RGS7: variants seen among roughly 807,000 people sequenced by gnomAD.
The protein encoded by RGS7 is regulator of G-protein signaling 7.
RGS7 carries 27 observed loss-of-function variants against 81.1 expected under a neutral mutation model. The observed-to-expected ratio is 0.33, with a 90% CI of 0.25 to 0.46. The LOEUF is 0.46. RGS7 is among the 20% of genes least tolerant of loss of function. The pLI is 1.00. For missense variants in RGS7, 396 were observed against 607.4 expected, an observed-to-expected ratio of 0.65 and a Z score of 3.66; for synonymous variants, 208 against 207.7, an observed-to-expected ratio of 1.00 and a Z score of -0.01.
At chr1:241,286,075 C>A (rs1442483508) in intron 2 of RGS7, among the ~76,000 whole-genome samples, 1 of 152,192 alleles carries the variant, frequency 6.6e-6, no homozygotes, top group East Asian at 1.9e-4. Flanking sequence ...CTTCTTGCTG[C>A]ATTATCTACA....
At chr1:240,931,583 A>G (rs1040340730) in intron 5 of RGS7, among the ~76,000 whole-genome samples, 1 of 152,152 alleles carries the variant, frequency 6.6e-6, no homozygotes, top group African/African-American at 2.4e-5. Context: ...AAAAATTAAA[A>G]TTATAAAATT....
intron 2 of RGS7, among the ~76,000 whole-genome samples, chr1:241,227,451 T>C (rs2075371097): frequency 1.3e-5 from 2 of 150,976 alleles, no homozygotes; most frequent in South Asian, 4.2e-4. Flanking sequence ...TTATTTGCTT[T>C]CAAGAGCGAA....
chr1:241,327,951 A>C (rs1573701274), intron 2 of RGS7, among the ~76,000 whole-genome samples: 1 of 152,248 alleles, frequency 6.6e-6, no homozygotes, highest in African/African-American at 2.4e-5. Context: ...CCATATTTTC[A>C]AAGCAGAAAT....
intron 6 of RGS7, among the ~76,000 whole-genome samples, chr1:240,918,900 C>T (rs1004970881): frequency 2.6e-5 from 4 of 151,622 alleles, no homozygotes; most frequent in African/African-American, 9.7e-5. Flanking sequence ...GAGGCCATCA[C>T]TGCTGATCCC....
chr1:241,231,243 A>C (rs557813603), intron 2 of RGS7, among the ~76,000 whole-genome samples: 10 of 152,202 alleles, frequency 6.6e-5, no homozygotes. Context: ...TTCATTTTAC[A>C]AATGAAAGAG....
chr1:241,088,888 G>A (rs551387572), intron 3 of RGS7, among the ~76,000 whole-genome samples: 171 of 151,148 alleles, frequency 1.1e-3, no homozygotes, highest in Non-Finnish European at 2.1e-3. Context: ...GCAGGTGCCT[G>A]TAGTCCCAGC....
At chr1:241,200,118 C>T (rs1229141430) in intron 2 of RGS7, among the ~76,000 whole-genome samples, 2 of 152,118 alleles carry the variant, frequency 1.3e-5, no homozygotes, top group Non-Finnish European at 2.9e-5. Flanking sequence ...AAGGCGACCA[C>T]TGAAGTTAAT....
intron 4 of RGS7, among the ~76,000 whole-genome samples, chr1:240,947,013 A>G (rs1678746428): frequency 6.6e-6 from 1 of 152,228 alleles, no homozygotes; most frequent in African/African-American, 2.4e-5. Context: ...TAAGGTGCCA[A>G]TTATAAATAG....
At chr1:241,248,413 C>CAT (rs571988949) in intron 2 of RGS7, among the ~76,000 whole-genome samples, 93 of 145,546 alleles carry the variant, frequency 6.4e-4, no homozygotes, top group Middle Eastern at 7.4e-3. Context: ...TATATATATA[C>CAT]ATATATATAT....
At chr1:240,869,947 A>C (rs1204454184) in intron 7 of RGS7, 108 bp downstream of exon 7, 1 of 1,000,692 alleles carries the variant, frequency 1.0e-6, no homozygotes, top group Non-Finnish European at 1.6e-6. Flanking sequence ...TCTCAAAAAA[A>C]AGAAAAAGAT....
chr1:241,324,546 G>T (rs1189324682), intron 2 of RGS7, among the ~76,000 whole-genome samples: 3 of 152,098 alleles, frequency 2.0e-5, no homozygotes, highest in African/African-American at 7.2e-5. Flanking sequence ...CATTGCATCA[G>T]AAGAAAAACT....
rs967766129 is a variant in RGS7 at position 240,775,943 on chromosome 1, T to G, written c.*277A>C. On this transcript the variant is annotated 3_prime_UTR_variant, in exon 19 of 19. Coordinates refer to ENST00000440928, the MANE Select transcript of RGS7 (RefSeq NM_001364886.1). The stretch of plus-strand genomic sequence containing the variant: ...CTTGTTAAAAAGGAAGAGACACAGA[T>G]CCAGCATAGTAGAAGGAGAAAGAAA... 4 of 563,004 alleles carry G rather than the reference T, an allele frequency of 7.1e-6. No homozygotes were observed. The highest frequency in any genetic ancestry group is 1.3e-5 in the Non-Finnish European group (4 of 308,940). 34.9% of individuals were successfully genotyped at this position (563,004 alleles called of 1,614,324 possible). A position where few individuals can be genotyped will look rare whatever the true frequency, so the allele number is the denominator to read the frequency against.
chr1:241,035,836 C>A lies in RGS7; in HGVS notation c.176-52707G>T, dbSNP rs538304476. Among the ~76,000 whole-genome samples, 162 of 152,288 alleles carry A rather than the reference C, an allele frequency of 1.1e-3. 4 individuals carry two copies. The South Asian group carries it at 0.033, about 31-fold the overall frequency. ...ACATGAATAAGCAAATGTAAGCTTTCTTCAAAATTCCAGGTGAAATGCTAT... is the reference window on the plus strand; with the variant it reads ...ACATGAATAAGCAAATGTAAGCTTTATTCAAAATTCCAGGTGAAATGCTAT... On this transcript the variant is annotated intron_variant, in intron 3 of 18. Coordinates refer to ENST00000440928, the MANE Select transcript of RGS7 (RefSeq NM_001364886.1).
At chr1:241,040,431 T>C (rs927905251) in intron 3 of RGS7, among the ~76,000 whole-genome samples, 2 of 152,178 alleles carry the variant, frequency 1.3e-5, no homozygotes, top group East Asian at 3.8e-4. Flanking sequence ...GAGCTTGACA[T>C]GTGTAGATGA....
intron 3 of RGS7, among the ~76,000 whole-genome samples, chr1:241,048,332 A>C (rs1012196990): frequency 6.6e-6 from 1 of 152,174 alleles, no homozygotes; most frequent in Non-Finnish European, 1.5e-5. Flanking sequence ...TACCCTCCTA[A>C]GAAATAGTAA....
intron 9 of RGS7, among the ~76,000 whole-genome samples, chr1:240,845,920 C>T (rs989979600): frequency 6.6e-6 from 1 of 152,198 alleles, no homozygotes; most frequent in Non-Finnish European, 1.5e-5. Flanking sequence ...TGCCTCATCT[C>T]TGGCCACTGC....
intron 2 of RGS7, among the ~76,000 whole-genome samples, chr1:241,234,323 G>A (rs1354437907): frequency 1.3e-5 from 2 of 152,024 alleles, no homozygotes; most frequent in Non-Finnish European, 1.5e-5. Flanking sequence ...TTTTTGCTAG[G>A]CATAAAGCAA....
intron 5 of RGS7, among the ~76,000 whole-genome samples, chr1:240,931,820 T>C (rs533497678): frequency 1.3e-5 from 2 of 152,276 alleles, no homozygotes; most frequent in Admixed American, 1.3e-4. Context: ...ACTTTATTAT[T>C]ATCATTAACA....
intron 2 of RGS7, among the ~76,000 whole-genome samples, chr1:241,298,020 T>C (rs2079527274): frequency 6.6e-6 from 1 of 152,150 alleles, no homozygotes. Context: ...ATATTAATAC[T>C]TTTTTTAAAA....
Sources: allele counts gnomAD v4.1 joint callset (sites outside exome capture counted in the v4.1 genomes callset), GRCh38; gene constraint gnomAD v4.1.1; transcripts MANE v1.5; gene names NCBI Gene and HGNC (gene_info 2026-07-23, HGNC 2026-07-21).